Variants in SEMA6B observed in about 807,000 individuals in gnomAD.
The protein encoded by SEMA6B is semaphorin-6B.
A neutral mutation model predicts 78.6 loss-of-function variants in SEMA6B; 47 were observed. The ratio of observed to expected loss-of-function variants is 0.60; its 90% CI spans 0.47 to 0.76. The LOEUF (loss-of-function observed/expected upper bound fraction) is 0.76, where lower values mean the gene tolerates loss of function less well. Among genes scored for constraint, SEMA6B ranks in the 30% least tolerant of loss-of-function variants. The pLI is 0.00. For missense variants in SEMA6B, 1,213 were observed against 1,269.9 expected, an observed-to-expected ratio of 0.96 and a Z score of 0.68; for synonymous variants, 632 against 592.2, an observed-to-expected ratio of 1.07 and a Z score of -0.98.
Position 4,549,489 on chromosome 19 carries a change from T to TTA in SEMA6B, c.1271+632_1271+633dup, listed in dbSNP as rs1327815978. 2.0e-5 allele frequency among the ~76,000 whole-genome samples: 3 copies of TTA among 149,224 alleles called. No homozygotes were observed. The Admixed American group carries it at 2.0e-4, about 10-fold the overall frequency. On this transcript the variant is annotated intron_variant, in intron 12 of 16. Transcript: ENST00000586582. ...GCTAATTTTTGTATTTTATTTTATT[T>TTA]TATTTTTGAGACGGAGTTTCGCTCT... is the stretch of plus-strand genomic sequence containing the variant.
Position 4,550,913 on chromosome 19 carries a change from A to G in SEMA6B, c.1007T>C (p.Val336Ala). The change falls in exon 11 of 17, where the codon GTC (valine) becomes GCC (alanine). Residue 336 changes from valine to alanine, a missense_variant. Transcript: ENST00000586582. This position sits in a 1 kb window ranked among gnomAD's most constrained non-coding sequence, Gnocchi z 6.6. ...TPSNSIPGSAVCAFDLTQVAA... is the reference protein window; with the variant it reads ...TPSNSIPGSAACAFDLTQVAA... ...CACCTGTGTCAGGTCAAAGGCGCAG[A>G]CAGCCGAGCCAGGGATGCTGAGGGG... 1.2e-6 allele frequency: 2 copies of G among 1,613,586 alleles called. No individual in the cohort carries two copies. The highest frequency in any genetic ancestry group is 1.7e-6 in the Non-Finnish European group (2 of 1,179,974).
In SEMA6B at chr19:4,558,345, G is replaced by C. The variant is rs1417637053; in HGVS notation, c.113C>G (p.Pro38Arg). 7.6e-7 allele frequency: 1 copy of C among 1,311,770 alleles called. No individual in the cohort carries two copies. 81.3% of individuals were successfully genotyped at this position (1,311,770 alleles called of 1,614,324 possible). ...PEEPPPLSVA[P>R]RDYLNHYPVF... is the part of the protein sequence containing the mutation. ...GACACCCCCAGACTCACAGTCCCTG[G>C]GGGCCACGCTAAGCGGCGGCGGCTC... The change falls in exon 2 of 17, where the codon CCC becomes CGC. Residue 38 changes from proline to arginine, a missense_variant. Pro to Arg is a moderately radical substitution (Grantham distance 103). Transcript: ENST00000586582. The surrounding 1 kb of genome is among the most constrained non-coding windows in gnomAD (Gnocchi z 5.1).
chr19:4,554,874 T>C lies in SEMA6B; in HGVS notation c.682+102A>G, dbSNP rs10408176. On this transcript the variant is annotated intron_variant, in intron 8 of 16. Coordinates refer to ENST00000586582, the MANE Select transcript of SEMA6B (RefSeq NM_032108.4). ...ATTCCAAAGATGTGGTGGAAATCTC[T>C]CCACCAAGCTCCTCTGGGACTCTTA... 0.13 allele frequency: 171,715 copies of C among 1,365,040 alleles called. 18,674 individuals are homozygous for C. The highest frequency in any genetic ancestry group is 0.47 in the African/African-American group (32,467 of 68,692). 84.6% of individuals were successfully genotyped at this position (1,365,040 alleles called of 1,614,324 possible). A position where few individuals can be genotyped will look rare whatever the true frequency, so the allele number is the denominator to read the frequency against.
At chr19:4,554,881 A>G in intron 8 of SEMA6B, 95 bp downstream of exon 8, 2 of 1,417,616 alleles carry the variant, frequency 1.4e-6, no homozygotes, top group Non-Finnish European at 1.9e-6. Context: ...CTCTCCACCA[A>G]GCTCCTCTGG....
Position 4,544,661 on chromosome 19 carries a change from A to G in SEMA6B, c.1739-132T>C, listed in dbSNP as rs868861940. 34 of 506,858 alleles carry G rather than the reference A, an allele frequency of 6.7e-5. 1 individual carries two copies. The Middle Eastern group carries it at 4.4e-3, about 66-fold the overall frequency. 31.4% of individuals were successfully genotyped at this position (506,858 alleles called of 1,614,324 possible). A position where few individuals can be genotyped will look rare whatever the true frequency, so the allele number is the denominator to read the frequency against. ...TTTATTTATTTATTTTTTGAGAAGGAGTCTTCCTTTGTGTGCCAGGCTGGA... is the reference window on the plus strand; with the variant it reads ...TTTATTTATTTATTTTTTGAGAAGGGGTCTTCCTTTGTGTGCCAGGCTGGA... On this transcript the variant is annotated intron_variant, in intron 16 of 16. Transcript: ENST00000586582. The surrounding 1 kb of genome is among the most constrained non-coding windows in gnomAD (Gnocchi z 5.1).
chr19:4,544,635 T>A lies in SEMA6B; in HGVS notation c.1739-106A>T, dbSNP rs192390611. 4.0e-3 allele frequency: 2,366 copies of A among 592,092 alleles called. 25 individuals carry two copies. The highest frequency in any genetic ancestry group is 0.025 in the African/African-American group (1,289 of 51,884). 36.7% of individuals were successfully genotyped at this position (592,092 alleles called of 1,614,324 possible). On this transcript the variant is annotated intron_variant, in intron 16 of 16. Transcript: ENST00000586582. The surrounding 1 kb of genome is among the most constrained non-coding windows in gnomAD (Gnocchi z 5.1). ...CCTCTTTTTTATTATTTTTATTTTT[T>A]TTTATTTATTTATTTTTTGAGAAGG...
At chr19:4,547,134 AT>A (rs764950107) in intron 14 of SEMA6B, among the ~76,000 whole-genome samples, 679 of 135,110 alleles carry the variant, frequency 5.0e-3, no homozygotes, top group Middle Eastern at 7.3e-3. Context: ...TGATTTTTGC[AT>A]TTTTTTTTTT....
Position 4,546,055 on chromosome 19 carries a change from G to A in SEMA6B, c.1738+161C>T, listed in dbSNP as rs1977155798. 8.7e-6 allele frequency: 6 copies of A among 686,520 alleles called. No individual in the cohort carries two copies. The East Asian group carries it at 1.4e-4, about 16-fold the overall frequency. The allele number at this position is 686,520 out of a possible 1,614,324, so 42.5% of individuals were successfully genotyped here. The stretch of plus-strand genomic sequence containing the variant: ...CAAAGTGCTGGGATTACAGGCGTGA[G>A]CCACCGCGCCCGGCCCACCCCATGC... On this transcript the variant is annotated intron_variant, in intron 16 of 16. Coordinates refer to ENST00000586582, the MANE Select transcript of SEMA6B (RefSeq NM_032108.4).
rs752803229 is a variant in SEMA6B at position 4,558,167 on chromosome 19, G to A, written c.122-18C>T. On this transcript the variant is annotated intron_variant, in intron 2 of 16. Coordinates refer to ENST00000586582, the MANE Select transcript of SEMA6B (RefSeq NM_032108.4). This position sits in a 1 kb window ranked among gnomAD's most constrained non-coding sequence, Gnocchi z 5.1. ...GTTCAGGTCTGAGTGAGGGGGTGGA[G>A]AGGGGTGTGAGCAAGGGCTGGGGGT... is the stretch of plus-strand genomic sequence containing the variant. The A allele has an allele frequency of 1.4e-6, 2 of 1,436,802 alleles. No individual in the cohort carries two copies. The highest frequency in any genetic ancestry group is 1.5e-5 in the South Asian group (1 of 66,944). The allele number at this position is 1,436,802 out of a possible 1,614,324, so 89.0% of individuals were successfully genotyped here. A position where few individuals can be genotyped will look rare whatever the true frequency, so the allele number is the denominator to read the frequency against.
chr19:4,542,759 T>A lies in SEMA6B; in HGVS notation c.*842A>T, dbSNP rs1977048931. On this transcript the variant is annotated 3_prime_UTR_variant, in exon 17 of 17. Transcript: ENST00000586582. ...GGACTCTCTCACCACCCTGGGGCCG[T>A]ATTTACAGAGGGGCCCCACCCACCT... The A allele has an allele frequency of 1.7e-5, 12 of 699,846 alleles. No homozygotes were observed. The East Asian group carries it at 3.2e-4, about 19-fold the overall frequency. The allele number at this position is 699,846 out of a possible 1,614,324, so 43.4% of individuals were successfully genotyped here. A position where few individuals can be genotyped will look rare whatever the true frequency, so the allele number is the denominator to read the frequency against.
Position 4,558,286 on chromosome 19 carries a change from C to T in SEMA6B, c.121+51G>A. 4.6e-6 allele frequency: 6 copies of T among 1,311,476 alleles called. No homozygotes were observed. Among genetic ancestry groups the T allele is most frequent in the Non-Finnish European group, 5.9e-6 (6 of 1,020,246 alleles). 81.2% of individuals were successfully genotyped at this position (1,311,476 alleles called of 1,614,324 possible). ...GGGGCAGCAGACCCAACTGGGAACC[C>T]AGATACTCCCACGGGACTCCACCCC... is the stretch of plus-strand genomic sequence containing the variant. On this transcript the variant is annotated intron_variant, in intron 2 of 16. Transcript: ENST00000586582. This position sits in a 1 kb window ranked among gnomAD's most constrained non-coding sequence, Gnocchi z 5.1.
intron 9 of SEMA6B, among the ~76,000 whole-genome samples, chr19:4,553,310 A>T (rs7254712): frequency 1.3e-5 from 2 of 150,886 alleles, no homozygotes; most frequent in Non-Finnish European, 2.9e-5. Context: ...GAATGGATGG[A>T]TAAGTGGGTG....
At chr19:4,556,865 G>T in intron 5 of SEMA6B, 86 bp downstream of exon 5, 2 of 1,277,190 alleles carry the variant, frequency 1.6e-6, no homozygotes, top group Non-Finnish European at 2.2e-6. Context: ...CTGGCGGGGT[G>T]GGCGTGGCCT....
In SEMA6B at chr19:4,544,508, G is replaced by GA. The variant is rs770168650; in HGVS notation, c.1759dup (p.Ser587PhefsTer40). On this transcript the variant is annotated frameshift_variant, in exon 17 of 17. Coordinates refer to ENST00000586582, the MANE Select transcript of SEMA6B (RefSeq NM_032108.4). LOFTEE classifies it high-confidence loss of function. This position sits in a 1 kb window ranked among gnomAD's most constrained non-coding sequence, Gnocchi z 5.1. Reference sequence around the variant, plus strand: ...CGACACCAGCCCCGCGCGGTCCTCGGAGAGGCTGGCCCGCAGGAGTCCTGG... The same window carrying GA: ...CGACACCAGCCCCGCGCGGTCCTCGGAAGAGGCTGGCCCGCAGGAGTCCTGG... 6.4e-7 allele frequency: 1 copy of GA among 1,558,584 alleles called. No homozygotes were observed. Among genetic ancestry groups the GA allele is most frequent in the Non-Finnish European group, 8.7e-7 (1 of 1,151,468 alleles).
intron 16 of SEMA6B, 62 bp downstream of exon 16, chr19:4,546,154 T>A (rs1037207004): frequency 5.4e-6 from 8 of 1,487,750 alleles, no homozygotes; most frequent in Non-Finnish European, 6.3e-6. Context: ...TCCAGCCTCC[T>A]CCCTCCCCTC....
rs1314369515 is a variant in SEMA6B, at chr19:4,559,601, T to C, written c.-104A>G. 2.0e-5 allele frequency: 3 copies of C among 152,258 alleles called. No homozygotes were observed. The highest frequency in any genetic ancestry group is 4.1e-4 in the South Asian group (2 of 4,832). 9.4% of individuals were successfully genotyped at this position (152,258 alleles called of 1,614,324 possible). A position where few individuals can be genotyped will look rare whatever the true frequency, so the allele number is the denominator to read the frequency against. ...AGCAGCCTCGTCCTTCTGGGAAGTATTGGGCAAGCTCCGAGCCCATTTTCC... is the reference window on the plus strand; with the variant it reads ...AGCAGCCTCGTCCTTCTGGGAAGTACTGGGCAAGCTCCGAGCCCATTTTCC... On this transcript the variant is annotated 5_prime_UTR_variant, in exon 1 of 17. Coordinates refer to ENST00000586582, the MANE Select transcript of SEMA6B (RefSeq NM_032108.4).
In SEMA6B at chr19:4,544,178, C is replaced by A. The variant is rs1173421279; in HGVS notation, c.2090G>T (p.Gly697Val). Reference protein sequence around the residue: ...NGWAKATLLQGGPHDLDSGLL... With the variant: ...NGWAKATLLQVGPHDLDSGLL... ...CCCCGAGTCCAGGTCGTGGGGCCCG[C>A]CCTGCAGCAGCGTGGCCTTGGCCCA... The change falls in exon 17 of 17, where the codon GGC (glycine) becomes GTC (valine). Residue 697 changes from glycine (G) to valine (V), a missense_variant. Gly to Val is a moderately radical substitution (Grantham distance 109). Transcript: ENST00000586582. The surrounding 1 kb of genome is among the most constrained non-coding windows in gnomAD (Gnocchi z 5.1). 7.9e-7 allele frequency: 1 copy of A among 1,269,610 alleles called. No individual in the cohort carries two copies. Among genetic ancestry groups the A allele is most frequent in the Non-Finnish European group, 9.9e-7 (1 of 1,009,692 alleles). 78.6% of individuals were successfully genotyped at this position (1,269,610 alleles called of 1,614,324 possible). A position where few individuals can be genotyped will look rare whatever the true frequency, so the allele number is the denominator to read the frequency against.
chr19:4,543,495 G>A lies in SEMA6B; in HGVS notation c.*106C>T, dbSNP rs80073958. ...CACTCCGCGGGTGGGTCGCGGGGGG[G>A]ACTTGAGCACCCACTCGGAGTTGCC... On this transcript the variant is annotated 3_prime_UTR_variant, in exon 17 of 17. Coordinates refer to ENST00000586582, the MANE Select transcript of SEMA6B (RefSeq NM_032108.4). 32,530 of 472,968 alleles carry A rather than the reference G, an allele frequency of 0.069. 2,291 individuals are homozygous for A. Among genetic ancestry groups the A allele is most frequent in the African/African-American group, 0.26 (12,901 of 49,742 alleles). The allele number at this position is 472,968 out of a possible 1,614,324, so 29.3% of individuals were successfully genotyped here. A position where few individuals can be genotyped will look rare whatever the true frequency, so the allele number is the denominator to read the frequency against.
rs748267796 is a variant in SEMA6B at position 4,550,279 on chromosome 19, G to T, written c.1122-7C>A. Reference sequence around the variant, plus strand: ...GGCTGCGCAGCACCCGGGCCTGGGGGTGACAAGGGTGTGGTCAGGACGAAC... The same window carrying T: ...GGCTGCGCAGCACCCGGGCCTGGGGTTGACAAGGGTGTGGTCAGGACGAAC... On this transcript the variant is annotated splice_region_variant and splice_polypyrimidine_tract_variant and intron_variant, in intron 11 of 16. Transcript: ENST00000586582. The surrounding 1 kb of genome is among the most constrained non-coding windows in gnomAD (Gnocchi z 6.6). 5.0e-6 allele frequency: 8 copies of T among 1,613,570 alleles called. No individual in the cohort carries two copies. In the South Asian group the frequency reaches 6.6e-5, roughly 13 times the overall value.
Sources: gnomAD v4.1 joint callset for allele counts (sites outside exome capture counted in the v4.1 genomes callset) on GRCh38, gnomAD v4.1.1 for gene constraint, Gnocchi (gnomAD v3.1) non-coding constraint, MANE v1.5 for transcripts, NCBI Gene and HGNC (gene_info 2026-07-23, HGNC 2026-07-21) for gene names.